The following GALNT5 variants were observed in gnomAD, a reference collection of about 807,000 sequenced individuals.
The protein encoded by GALNT5 is UDP-GalNAc:polypeptide N-acetylgalactosaminyltransferase 5.
In GALNT5, 72 loss-of-function variants were observed where a neutral mutation model predicts 85.4. That is an observed-to-expected ratio of 0.84 (90% confidence interval 0.70 to 1.03). GALNT5 has a LOEUF of 1.03. GALNT5 is among the 50% of genes least tolerant of loss of function. The pLI is 0.00. For synonymous variants in GALNT5, 404 were observed against 397.0 expected, an observed-to-expected ratio of 1.02 and a Z score of -0.21; for missense variants, 1,137 against 1,135.5, an observed-to-expected ratio of 1.00 and a Z score of -0.02.
In GALNT5 at chr2:157,258,940, T is replaced by C; in HGVS notation, c.858T>C (p.Asn286=). 6.5e-7 allele frequency: 1 copy of C among 1,534,876 alleles called. No homozygotes were observed. Among genetic ancestry groups the C allele is most frequent in the African/African-American group, 1.4e-5 (1 of 72,286 alleles). The stretch of plus-strand genomic sequence containing the variant: ...TTCCTAAGTTCACTGTCAATTCAAA[T>C]CGCTTAAGGAAGCAATCTATTAATG... ...LPFPKFTVNS[N]RLRKQSINET... is the part of the protein sequence containing the mutation. The change falls in exon 1 of 10, where the codon AAT becomes AAC. Residue 286 remains asparagine, a synonymous_variant. Transcript: ENST00000259056.
Position 157,258,119 on chromosome 2 carries a change from C to A in GALNT5, c.37C>A (p.Arg13=), listed in dbSNP as rs755722602. 1.9e-6 allele frequency: 3 copies of A among 1,613,938 alleles called. No homozygotes were observed. The highest frequency in any genetic ancestry group is 2.2e-5 in the South Asian group (2 of 91,068). ...CCGAAAGTTTTTCCGAGGAAGTGGGCGAGTCTTGGCATTTATCTTTGTAGC... is the reference window on the plus strand; with the variant it reads ...CCGAAAGTTTTTCCGAGGAAGTGGGAGAGTCTTGGCATTTATCTTTGTAGC... The part of the protein sequence containing the change: ...RIRKFFRGSG[R]VLAFIFVASV... Residue 13 remains arginine (R), a synonymous_variant, in exon 1 of 10, where the codon CGA becomes AGA. Coordinates refer to ENST00000259056, the MANE Select transcript of GALNT5 (RefSeq NM_014568.3).
intron 3 of GALNT5, among the ~76,000 whole-genome samples, chr2:157,288,073 A>G (rs1476468835): frequency 4.6e-5 from 7 of 152,170 alleles, no homozygotes; most frequent in Admixed American, 4.6e-4. Context: ...TGAGGCCTCT[A>G]GACATTTAGC....
At chr2:157,287,427 CTCCCCTCCCTCTCA>C (rs1683006344) in intron 3 of GALNT5, among the ~76,000 whole-genome samples, 1 of 152,074 alleles carries the variant, frequency 6.6e-6, no homozygotes, top group African/African-American at 2.4e-5. Flanking sequence ...CAATCTCCCT[CTCCCCTCCCTCTCA>C]TCCCCTCATC....
At chr2:157,306,642 C>T (rs1487944616) in intron 8 of GALNT5, among the ~76,000 whole-genome samples, 4 of 152,190 alleles carry the variant, frequency 2.6e-5, no homozygotes, top group South Asian at 2.1e-4. Flanking sequence ...CCCAAAATTG[C>T]AGATTGTTCT....
chr2:157,297,872 A>G (rs1558901496), intron 5 of GALNT5, among the ~76,000 whole-genome samples: 1 of 152,150 alleles, frequency 6.6e-6, no homozygotes, highest in Non-Finnish European at 1.5e-5. Flanking sequence ...TCCATGATCA[A>G]TATTATTAGT....
At chr2:157,285,915 A>C (rs1384799903) in intron 2 of GALNT5, 100 bp from the exon 3 acceptor site, 7 of 712,916 alleles carry the variant, frequency 9.8e-6, no homozygotes, top group Non-Finnish European at 1.5e-5. Context: ...TGATGATGGT[A>C]ATGTCATAGT....
intron 3 of GALNT5, among the ~76,000 whole-genome samples, chr2:157,291,638 C>G (rs983534190): frequency 1.9e-4 from 27 of 138,964 alleles, no homozygotes; most frequent in African/African-American, 7.4e-4. Flanking sequence ...CACCCACCCC[C>G]CCCCAGATTT....
rs77751988 is a variant in GALNT5, at chr2:157,304,795, T to C, written c.2440-954T>C. ...GTTCACTAAGCTAAGCATGTAAAAT[T>C]GAGGACCAATGTACTGAGCCCCCTT... On this transcript the variant is annotated intron_variant, in intron 7 of 9. Coordinates refer to ENST00000259056, the MANE Select transcript of GALNT5 (RefSeq NM_014568.3). Among the ~76,000 whole-genome samples, 294 of 152,316 alleles carry C rather than the reference T, an allele frequency of 1.9e-3. 4 individuals are homozygous for C. In the East Asian group the frequency reaches 0.048, roughly 25 times the overall value.
At chr2:157,287,653 C>G (rs1307749988) in intron 3 of GALNT5, among the ~76,000 whole-genome samples, 1 of 152,128 alleles carries the variant, frequency 6.6e-6, no homozygotes, top group Non-Finnish European at 1.5e-5. Context: ...TCTATTCTTC[C>G]TATGGTTCTT....
In GALNT5 at chr2:157,296,503, G is replaced by A; in HGVS notation, c.1987G>A (p.Asp663Asn). Residue 663 changes from aspartate (D) to asparagine (N), a missense_variant, in exon 5 of 10, where the codon GAT (aspartate) becomes AAT (asparagine). By Grantham distance (23) the Asp-to-Asn change is conservative. Coordinates refer to ENST00000259056, the MANE Select transcript of GALNT5 (RefSeq NM_014568.3). Reference protein sequence around the residue: ...VIAKNRIKETDTIRCPVMAGG... With the variant: ...VIAKNRIKETNTIRCPVMAGG... The stretch of plus-strand genomic sequence containing the variant: ...TGCAAAAAACAGAATTAAAGAAACT[G>A]ATACAATAAGGTAAGTGTGGGAAAT... The A allele has an allele frequency of 1.2e-6, 2 of 1,608,946 alleles. No homozygotes were observed. The highest frequency in any genetic ancestry group is 1.7e-6 in the Non-Finnish European group (2 of 1,175,868).
chr2:157,259,671 T>C, intron 1 of GALNT5, 135 bp downstream of exon 1: 1 of 594,422 alleles, frequency 1.7e-6, no homozygotes, highest in Non-Finnish European at 2.6e-6. Context: ...TTGGATATCA[T>C]TCAAATATTT....
chr2:157,270,924 G>C (rs1456262256), intron 1 of GALNT5, among the ~76,000 whole-genome samples: 1 of 152,172 alleles, frequency 6.6e-6, no homozygotes, highest in Non-Finnish European at 1.5e-5. Flanking sequence ...GACCATCCTG[G>C]CTAATATGGT....
chr2:157,270,166 A>G (rs1281293695), intron 1 of GALNT5, among the ~76,000 whole-genome samples: 1 of 151,966 alleles, frequency 6.6e-6, no homozygotes, highest in Non-Finnish European at 1.5e-5. Context: ...ACATTCAACC[A>G]CCTTACACCA....
At chr2:157,277,967 T>C (rs1682773779) in intron 1 of GALNT5, among the ~76,000 whole-genome samples, 1 of 152,212 alleles carries the variant, frequency 6.6e-6, no homozygotes, top group African/African-American at 2.4e-5. Context: ...TACCAGTTGT[T>C]TCTTTCCATG....
chr2:157,277,343 G>C (rs2105133918), intron 1 of GALNT5, among the ~76,000 whole-genome samples: 1 of 152,208 alleles, frequency 6.6e-6, no homozygotes, highest in African/African-American at 2.4e-5. Flanking sequence ...GGTCTGCTTG[G>C]TGCAGAGCTG....
chr2:157,299,977 AC>A lies in GALNT5; in HGVS notation c.2115+313del, dbSNP rs532929378. Among the ~76,000 whole-genome samples the A allele has an allele frequency of 2.6e-5, 4 of 152,340 alleles. No individual in the cohort carries two copies. The South Asian group carries it at 8.3e-4, about 32-fold the overall frequency. On this transcript the variant is annotated intron_variant, in intron 6 of 9. Coordinates refer to ENST00000259056, the MANE Select transcript of GALNT5 (RefSeq NM_014568.3). ...CGTGCTACAAAATAACTCTCCTGGA[AC>A]ATCTGTCTAGAATGTTGGAAGGAAT... is the stretch of plus-strand genomic sequence containing the variant.
chr2:157,305,734 T>C lies in GALNT5; in HGVS notation c.2440-15T>C. ...AAAATATTTTGTAATTCCTGTTTCG[T>C]ATTTTGCTTTTTAGCTTATTAATGT... On this transcript the variant is annotated splice_polypyrimidine_tract_variant and intron_variant, in intron 7 of 9. Transcript: ENST00000259056. The C allele has an allele frequency of 6.9e-7, 1 of 1,452,398 alleles. No homozygotes were observed. The allele number at this position is 1,452,398 out of a possible 1,614,324, so 90.0% of individuals were successfully genotyped here. A position where few individuals can be genotyped will look rare whatever the true frequency, so the allele number is the denominator to read the frequency against.
At chr2:157,277,654 T>C (rs1446660978) in intron 1 of GALNT5, among the ~76,000 whole-genome samples, 1 of 152,196 alleles carries the variant, frequency 6.6e-6, no homozygotes, top group African/African-American at 2.4e-5. Flanking sequence ...CCTGTTCTTT[T>C]TTTGCTTTCC....
rs537269978 is a variant in GALNT5 at position 157,295,486 on chromosome 2, G to T, written c.1742-177G>T. Among the ~76,000 whole-genome samples the T allele has an allele frequency of 4.7e-5, 7 of 150,334 alleles. No individual in the cohort carries two copies. The South Asian group carries it at 1.5e-3, about 31-fold the overall frequency. On this transcript the variant is annotated intron_variant, in intron 3 of 9. Coordinates refer to ENST00000259056, the MANE Select transcript of GALNT5 (RefSeq NM_014568.3). ...GCACCACAGGACTCCTAGGAGCAAAGTTTCTCTCATTTCAGTATGAAATGA... is the reference window on the plus strand; with the variant it reads ...GCACCACAGGACTCCTAGGAGCAAATTTTCTCTCATTTCAGTATGAAATGA...
Sources: allele counts gnomAD v4.1 joint callset (sites outside exome capture counted in the v4.1 genomes callset), GRCh38; gene constraint gnomAD v4.1.1; transcripts MANE v1.5; gene names NCBI Gene and HGNC (gene_info 2026-07-23, HGNC 2026-07-21).